Variants in LRRC4C observed in about 807,000 individuals in gnomAD.
LRRC4C encodes the protein leucine-rich repeat-containing protein 4C.
A neutral mutation model predicts 33.6 loss-of-function variants in LRRC4C; 5 were observed. That is an observed-to-expected ratio of 0.15 (90% confidence interval 0.08 to 0.31). The LOEUF (loss-of-function observed/expected upper bound fraction) is 0.31, where lower values mean the gene tolerates loss of function less well. Among genes scored for constraint, LRRC4C ranks in the 10% least tolerant of loss-of-function variants. The pLI is 1.00. For synonymous variants in LRRC4C, 329 were observed against 302.0 expected, an observed-to-expected ratio of 1.09 and a Z score of -0.93; for missense variants, 560 against 796.7, an observed-to-expected ratio of 0.70 and a Z score of 3.58.
At chr11:41,320,623 C>T (rs1565578937) in intron 1 of LRRC4C, among the ~76,000 whole-genome samples, 2 of 152,150 alleles carry the variant, frequency 1.3e-5, no homozygotes, top group African/African-American at 4.8e-5. Context: ...TTAGTGACTG[C>T]ACTAGTTTTC....
At chr11:40,997,101 C>A (rs1002574914) in intron 1 of LRRC4C, among the ~76,000 whole-genome samples, 6 of 151,922 alleles carry the variant, frequency 3.9e-5, no homozygotes, top group Non-Finnish European at 8.8e-5. Context: ...TTTAGTTCTG[C>A]AATGATATCT....
intron 1 of LRRC4C, among the ~76,000 whole-genome samples, chr11:41,075,027 T>TTTATTTTTTA (rs1939022862): frequency 9.7e-6 from 1 of 102,976 alleles, no homozygotes; most frequent in South Asian, 2.8e-4. Flanking sequence ...TTTTTTTTTT[T>TTTATTTTTTA]TTTTTTTTTA....
At chr11:40,814,262 T>C (rs1292745147) in intron 2 of LRRC4C, among the ~76,000 whole-genome samples, 1 of 152,216 alleles carries the variant, frequency 6.6e-6, no homozygotes, top group East Asian at 1.9e-4. Context: ...TCTTGACTTC[T>C]GTGTAGCAGC....
chr11:40,142,030 C>G (rs1386735081), intron 5 of LRRC4C, among the ~76,000 whole-genome samples: 2 of 151,968 alleles, frequency 1.3e-5, no homozygotes, highest in Non-Finnish European at 2.9e-5. Flanking sequence ...CACCTGTAAT[C>G]CCAGCACTCT....
At chr11:40,903,585 G>A (rs1279863933) in intron 2 of LRRC4C, among the ~76,000 whole-genome samples, 3 of 152,144 alleles carry the variant, frequency 2.0e-5, no homozygotes, top group Non-Finnish European at 4.4e-5. Flanking sequence ...AGATGCCATT[G>A]AGAACAATTG....
chr11:41,399,311 C>T (rs543235766), intron 1 of LRRC4C, among the ~76,000 whole-genome samples: 343 of 151,950 alleles, frequency 2.3e-3, no homozygotes, highest in Non-Finnish European at 3.2e-3. Context: ...GGGGTGAAAA[C>T]GCAACTTTTT....
chr11:40,449,661 G>A (rs1006555964), intron 3 of LRRC4C, among the ~76,000 whole-genome samples: 5 of 152,044 alleles, frequency 3.3e-5, no homozygotes, highest in South Asian at 2.1e-4. Context: ...TTCCATGAAC[G>A]CATACCCCAC....
chr11:40,299,672 A>G (rs1313523095), intron 4 of LRRC4C, among the ~76,000 whole-genome samples: 1 of 152,254 alleles, frequency 6.6e-6, no homozygotes. Flanking sequence ...ATGTATTGGG[A>G]CCTATGTTGC....
intron 1 of LRRC4C, among the ~76,000 whole-genome samples, chr11:40,986,200 A>G (rs1317849203): frequency 2.6e-5 from 4 of 152,194 alleles, no homozygotes; most frequent in Non-Finnish European, 5.9e-5. Context: ...GGACATGGTG[A>G]AAAGAGTGAG....
intron 1 of LRRC4C, among the ~76,000 whole-genome samples, chr11:40,980,061 T>C (rs200813444): frequency 6.6e-6 from 1 of 152,220 alleles, no homozygotes; most frequent in Non-Finnish European, 1.5e-5. Flanking sequence ...GTGTCTGTCC[T>C]GTAGCTTTCC....
chr11:40,123,560 G>A (rs1293941291), intron 6 of LRRC4C, among the ~76,000 whole-genome samples: 3 of 151,914 alleles, frequency 2.0e-5, no homozygotes, highest in Non-Finnish European at 4.4e-5. Flanking sequence ...GAAAACTATA[G>A]AACATTAATG....
chr11:40,981,365 G>A (rs1021707803), intron 1 of LRRC4C, among the ~76,000 whole-genome samples: 1 of 150,994 alleles, frequency 6.6e-6, no homozygotes, highest in Non-Finnish European at 1.5e-5. Flanking sequence ...AGTGAGCAGA[G>A]ATCACGCCAC....
At chr11:41,248,038 T>C (rs1008053487) in intron 1 of LRRC4C, among the ~76,000 whole-genome samples, 7 of 152,106 alleles carry the variant, frequency 4.6e-5, no homozygotes, top group Non-Finnish European at 1.0e-4. Flanking sequence ...GAAGAATCAC[T>C]TACTTAAAGG....
intron 3 of LRRC4C, among the ~76,000 whole-genome samples, chr11:40,411,859 A>G (rs1337961074): frequency 6.6e-6 from 1 of 152,048 alleles, no homozygotes; most frequent in Non-Finnish European, 1.5e-5. Flanking sequence ...TTATGTGTTT[A>G]CTGTGTGATA....
At chr11:41,281,042 T>TCTCTCTC (rs1949647009) in intron 1 of LRRC4C, among the ~76,000 whole-genome samples, 1 of 76,194 alleles carries the variant, frequency 1.3e-5, no homozygotes, top group African/African-American at 5.4e-5. Flanking sequence ...AATACATATT[T>TCTCTCTC]TCTCTCTCTC....
chr11:41,243,667 G>A (rs188687075), intron 1 of LRRC4C, among the ~76,000 whole-genome samples: 7 of 152,256 alleles, frequency 4.6e-5, no homozygotes, highest in African/African-American at 1.4e-4. Flanking sequence ...TGTGATGACT[G>A]AAGTTCTAGC....
At position 40,142,709 on chromosome 11, in the gene LRRC4C, G is replaced by T. The variant is rs1386727801; in HGVS notation, c.-95-1856C>A. On this transcript the variant is annotated intron_variant, in intron 5 of 6. Transcript: ENST00000528697. ...GCCAATGAACCTTGGAGTGCCCCAG[G>T]TCTCAAATCAGTGGACCTCTTATTT... 2.6e-5 allele frequency among the ~76,000 whole-genome samples: 4 copies of T among 151,672 alleles called. No individual in the cohort carries two copies. The East Asian group carries it at 5.8e-4, about 22-fold the overall frequency.
chr11:40,428,619 C>G (rs1950802453), intron 3 of LRRC4C, among the ~76,000 whole-genome samples: 1 of 152,130 alleles, frequency 6.6e-6, no homozygotes, highest in Non-Finnish European at 1.5e-5. Flanking sequence ...TACTGTAGTT[C>G]TAGCAACATG....
chr11:41,288,813 A>G (rs1160836887), intron 1 of LRRC4C, among the ~76,000 whole-genome samples: 3 of 152,130 alleles, frequency 2.0e-5, no homozygotes, highest in Non-Finnish European at 4.4e-5. Context: ...GGCAGAATCC[A>G]TTTACTTATA....
Sources: gnomAD v4.1 joint callset for allele counts (sites outside exome capture counted in the v4.1 genomes callset) on GRCh38, gnomAD v4.1.1 for gene constraint, MANE v1.5 for transcripts, NCBI Gene and HGNC (gene_info 2026-07-23, HGNC 2026-07-21) for gene names.